Variants in DYNC2H1 observed in about 807,000 individuals in gnomAD.
The protein encoded by DYNC2H1 is dynein cytoplasmic 2 heavy chain 1.
DYNC2H1 carries 410 observed loss-of-function variants against 570.0 expected under a neutral mutation model. The observed-to-expected ratio is 0.72, with a 90% CI of 0.66 to 0.78. DYNC2H1 has a LOEUF of 0.78. Ranked by LOEUF, DYNC2H1 falls within the 30% of genes least tolerant of loss-of-function variation. DYNC2H1 has a pLI of 0.00. For missense variants in DYNC2H1, 4,865 were observed against 5,046.4 expected (o/e 0.96, Z 1.09); for synonymous variants, 1,688 against 1,677.6 (o/e 1.01, Z -0.15).
intron 83 of DYNC2H1, among the ~76,000 whole-genome samples, chr11:103,391,739 T>A (rs1379727695): frequency 6.6e-6 from 1 of 152,234 alleles, no homozygotes; most frequent in Non-Finnish European, 1.5e-5. Context: ...GCTGCAGGTC[T>A]GTTAGAGTTT....
chr11:103,154,021 G>A (rs1019975413), intron 22 of DYNC2H1, among the ~76,000 whole-genome samples: 2 of 151,742 alleles, frequency 1.3e-5, no homozygotes, highest in Admixed American at 6.6e-5. Flanking sequence ...TTACTAAATG[G>A]CATTATACTG....
At chr11:103,303,989 A>G (rs1349025266) in intron 76 of DYNC2H1, among the ~76,000 whole-genome samples, 6 of 148,648 alleles carry the variant, frequency 4.0e-5, no homozygotes, top group Non-Finnish European at 9.0e-5. Context: ...TTGTAATGCC[A>G]TTTTTTTTTT....
Position 103,154,476 on chromosome 11 carries a change from G to C in DYNC2H1, c.3328G>C (p.Glu1110Gln), listed in dbSNP as rs1476872274. Reference sequence around the variant, plus strand: ...TGATGATTGCCATCATTTTAGACTGGAAGAGCCTAATTTCTCCCTGGCAAG... The same window carrying C: ...TGATGATTGCCATCATTTTAGACTGCAAGAGCCTAATTTCTCCCTGGCAAG... ...LVDDCHHFRL[E>Q]EPNFSLASSI... Residue 1110 changes from glutamate (E) to glutamine (Q), a missense_variant, in exon 23 of 89, where the codon GAA (glutamate) becomes CAA (glutamine). By Grantham distance (29) the Glu-to-Gln change is conservative. This residue lies in a region of DYNC2H1 where 1,936 missense variants were observed against 1,962.1 expected (regional missense o/e 0.99). Transcript: ENST00000375735. The C allele has an allele frequency of 6.5e-7, 1 of 1,548,796 alleles. No individual in the cohort carries two copies. Among genetic ancestry groups the C allele is most frequent in the Admixed American group, 2.1e-5 (1 of 47,834 alleles).
Position 103,184,946 on chromosome 11 carries a change from G to A in DYNC2H1, c.6528G>A (p.Leu2176=), listed in dbSNP as rs1862007149. The change falls in exon 41 of 89, where the codon TTG becomes TTA. Residue 2176 remains leucine (L), a synonymous_variant. Transcript: ENST00000375735. ...TSLVGTVMNG[L]SHLHGCRDHD... ...TGGTTGGGACTGTGATGAATGGTTTGTCACATCTACATGGTTGCAGAGATC... is the reference window on the plus strand; with the variant it reads ...TGGTTGGGACTGTGATGAATGGTTTATCACATCTACATGGTTGCAGAGATC... 6.2e-7 allele frequency: 1 copy of A among 1,611,142 alleles called. No homozygotes were observed. The highest frequency in any genetic ancestry group is 8.5e-7 in the Non-Finnish European group (1 of 1,178,008).
At chr11:103,376,156 A>T (rs1258051526) in intron 83 of DYNC2H1, among the ~76,000 whole-genome samples, 1 of 152,172 alleles carries the variant, frequency 6.6e-6, no homozygotes, top group African/African-American at 2.4e-5. Flanking sequence ...TCCTGTGAAG[A>T]GGTGCCTTCG....
At chr11:103,391,569 C>T (rs561840064) in intron 83 of DYNC2H1, among the ~76,000 whole-genome samples, 23 of 152,318 alleles carry the variant, frequency 1.5e-4, no homozygotes, top group Admixed American at 5.2e-4. Flanking sequence ...AGGGAAGAGG[C>T]GCTCTGATTT....
At chr11:103,273,714 A>G (rs555728119) in intron 70 of DYNC2H1, among the ~76,000 whole-genome samples, 1 of 152,252 alleles carries the variant, frequency 6.6e-6, no homozygotes, top group Non-Finnish European at 1.5e-5. Flanking sequence ...TTTCTTTGCC[A>G]TTTCCAGCTT....
At chr11:103,130,922 C>G (rs1474034534) in intron 13 of DYNC2H1, among the ~76,000 whole-genome samples, 1 of 152,126 alleles carries the variant, frequency 6.6e-6, no homozygotes, top group East Asian at 1.9e-4. Flanking sequence ...GTATGATGCT[C>G]TACTCACTAT....
Position 103,151,687 on chromosome 11 carries a change from A to AC in DYNC2H1, c.2947-447dup, listed in dbSNP as rs1167088516. Reference sequence around the variant, plus strand: ...TTCTTTAGTTGTCTGTTTCTTAAGTACCTTTTTTCATGACTTTCCTTCTCT... The same window carrying AC: ...TTCTTTAGTTGTCTGTTTCTTAAGTACCCTTTTTTCATGACTTTCCTTCTCT... On this transcript the variant is annotated intron_variant, in intron 20 of 88. Transcript: ENST00000375735. This position sits in a 1 kb window ranked among gnomAD's most constrained non-coding sequence, Gnocchi z 4.6. Among the ~76,000 whole-genome samples the AC allele has an allele frequency of 6.6e-6, 1 of 152,102 alleles. No individual in the cohort carries two copies. Among genetic ancestry groups the AC allele is most frequent in the Non-Finnish European group, 1.5e-5 (1 of 68,018 alleles).
chr11:103,165,643 G>A (rs1861274394), intron 30 of DYNC2H1, among the ~76,000 whole-genome samples: 1 of 152,160 alleles, frequency 6.6e-6, no homozygotes, highest in South Asian at 2.1e-4. Context: ...AACATAGTGG[G>A]TTATAGGACC....
chr11:103,211,663 A>C, intron 53 of DYNC2H1, 126 bp from the exon 54 acceptor site: 2 of 403,806 alleles, frequency 5.0e-6, no homozygotes, highest in East Asian at 3.8e-5. Context: ...CAAAGATGCT[A>C]TCTCATATTT....
At position 103,201,313 on chromosome 11, in the gene DYNC2H1, G is replaced by T. The variant is rs1862710782; in HGVS notation, c.8197+1159G>T. 6.6e-6 allele frequency among the ~76,000 whole-genome samples: 1 copy of T among 152,054 alleles called. No individual in the cohort carries two copies. The highest frequency in any genetic ancestry group is 2.4e-5 in the African/African-American group (1 of 41,394). ...TATCTGGAATTCTATGGATTGTAGA[G>T]ATATTTATTGTTTTATGTTTTCAAG... On this transcript the variant is annotated intron_variant, in intron 50 of 88. Transcript: ENST00000375735. This position sits in a 1 kb window ranked among gnomAD's most constrained non-coding sequence, Gnocchi z 4.8.
In DYNC2H1 at chr11:103,388,962, C is replaced by CA. The variant is rs1942013347; in HGVS notation, c.12157-10701_12157-10700insA. Among the ~76,000 whole-genome samples the CA allele has an allele frequency of 8.6e-5, 13 of 151,950 alleles. 1 individual carries two copies. The highest frequency in any genetic ancestry group is 5.2e-4 in the Admixed American group (8 of 15,246). On this transcript the variant is annotated intron_variant, in intron 83 of 88. Coordinates refer to ENST00000375735, the MANE Select transcript of DYNC2H1 (RefSeq NM_001377.3). ...TCATCAGGGATATTGTCTAAAATTC[C>CA]CTTTTTTTGTTGTGTCTCTGCCAGG...
At position 103,228,655 on chromosome 11, in the gene DYNC2H1, G is replaced by A. The variant is rs758719874; in HGVS notation, c.9354-2605G>A. Among the ~76,000 whole-genome samples the A allele has an allele frequency of 5.9e-5, 9 of 152,204 alleles. No individual in the cohort carries two copies. The highest frequency in any genetic ancestry group is 1.0e-4 in the Non-Finnish European group (7 of 68,038). ...TGTTTTTGTTTAGTGTGCTGGTTTTGTGTTGGTTGGCCTCCAGCCAGGAGG... is the reference window on the plus strand; with the variant it reads ...TGTTTTTGTTTAGTGTGCTGGTTTTATGTTGGTTGGCCTCCAGCCAGGAGG... On this transcript the variant is annotated intron_variant, in intron 59 of 88. Transcript: ENST00000375735. The surrounding 1 kb of genome is among the most constrained non-coding windows in gnomAD (Gnocchi z 6.1).
chr11:103,423,635 C>A (rs954207516), intron 84 of DYNC2H1, among the ~76,000 whole-genome samples: 1 of 151,714 alleles, frequency 6.6e-6, no homozygotes, highest in Non-Finnish European at 1.5e-5. Context: ...TTAAAAGACA[C>A]TTATAAAAAT....
At chr11:103,421,513 G>C (rs967168324) in intron 84 of DYNC2H1, among the ~76,000 whole-genome samples, 2 of 152,076 alleles carry the variant, frequency 1.3e-5, no homozygotes, top group South Asian at 4.2e-4. Context: ...CGGTCTCTTA[G>C]ACCACAATGC....
At chr11:103,176,587 T>G (rs760480316) in intron 37 of DYNC2H1, among the ~76,000 whole-genome samples, 153 bp downstream of exon 37, 13 of 152,202 alleles carry the variant, frequency 8.5e-5, no homozygotes, top group South Asian at 8.3e-4. Context: ...CAAGTCCTGA[T>G]TTGATCTTCT....
intron 70 of DYNC2H1, among the ~76,000 whole-genome samples, chr11:103,278,763 C>T (rs1216180869): frequency 6.6e-6 from 1 of 152,170 alleles, no homozygotes; most frequent in Non-Finnish European, 1.5e-5. Flanking sequence ...GACAGATTTT[C>T]ACCATGTTGG....
chr11:103,462,771 T>C (rs1036880464), intron 87 of DYNC2H1, among the ~76,000 whole-genome samples: 2 of 152,232 alleles, frequency 1.3e-5, no homozygotes, highest in Admixed American at 6.5e-5. Flanking sequence ...AATGTTTCAG[T>C]AAATTGCATT....
Sources: allele counts gnomAD v4.1 joint callset (sites outside exome capture counted in the v4.1 genomes callset), GRCh38; gene constraint gnomAD v4.1.1; regional missense constraint gnomAD v4.1.1; non-coding constraint Gnocchi (gnomAD v3.1); transcripts MANE v1.5; gene names NCBI Gene and HGNC (gene_info 2026-07-23, HGNC 2026-07-21).